Variants in SORCS3 observed in about 807,000 individuals in gnomAD.
SORCS3 encodes the protein VPS10 domain-containing receptor SorCS3.
A neutral mutation model predicts 146.3 loss-of-function variants in SORCS3; 57 were observed. That is an observed-to-expected ratio of 0.39 (90% CI 0.31 to 0.49). The LOEUF (loss-of-function observed/expected upper bound fraction) is 0.49. SORCS3 is among the 20% of genes least tolerant of loss of function. SORCS3 has a pLI of 0.92. For synonymous variants in SORCS3, 653 were observed against 618.5 expected (o/e 1.06, Z -0.83); for missense variants, 1,341 against 1,575.5 (o/e 0.85, Z 2.52).
In SORCS3 at chr10:105,074,553, T is replaced by C. The variant is rs74794771; in HGVS notation, c.1029-15222T>C. Among the ~76,000 whole-genome samples the C allele has an allele frequency of 7.7e-3, 1,170 of 152,320 alleles. 6 individuals are homozygous for C. The highest frequency in any genetic ancestry group is 0.014 in the South Asian group (66 of 4,824). On this transcript the variant is annotated intron_variant, in intron 5 of 26. Transcript: ENST00000369701. The stretch of plus-strand genomic sequence containing the variant: ...AGAGCATTATGTTGTCGCAGGAACA[T>C]GTCTCTCATAAGATAGTGCACAAAT...
At chr10:104,654,443 T>C (rs1401615758) in intron 1 of SORCS3, among the ~76,000 whole-genome samples, 1 of 152,230 alleles carries the variant, frequency 6.6e-6, no homozygotes, top group Non-Finnish European at 1.5e-5. Context: ...GGTTCCCTTT[T>C]CTCCATGTCC....
At chr10:105,158,671 G>T (rs1317630312) in intron 10 of SORCS3, among the ~76,000 whole-genome samples, 2 of 151,886 alleles carry the variant, frequency 1.3e-5, no homozygotes, top group East Asian at 3.9e-4. Context: ...TGGTTGGGGG[G>T]CAGAGGCAGG....
At chr10:104,669,556 T>G (rs2015825924) in intron 1 of SORCS3, among the ~76,000 whole-genome samples, 1 of 152,250 alleles carries the variant, frequency 6.6e-6, no homozygotes, top group African/African-American at 2.4e-5. Flanking sequence ...TGTTGTAATA[T>G]GCGTCAGAAT....
intron 3 of SORCS3, among the ~76,000 whole-genome samples, chr10:104,958,378 T>C (rs936635426): frequency 6.6e-6 from 1 of 152,132 alleles, no homozygotes; most frequent in East Asian, 1.9e-4. Flanking sequence ...CTCCCTGCAA[T>C]GCCCCGCTCC....
intron 8 of SORCS3, among the ~76,000 whole-genome samples, chr10:105,144,713 T>C (rs703486): frequency 0.016 from 2,412 of 152,248 alleles, 60 homozygotes; most frequent in African/African-American, 0.055. Flanking sequence ...TGGATTTCTC[T>C]CTTTAACACC....
At chr10:105,215,879 A>G (rs563154685) in intron 18 of SORCS3, among the ~76,000 whole-genome samples, 3 of 149,580 alleles carry the variant, frequency 2.0e-5, no homozygotes, top group East Asian at 2.0e-4. Flanking sequence ...TCTATCACTC[A>G]TCTTCATATA....
chr10:105,122,228 G>C lies in SORCS3; in HGVS notation c.1212+16713G>C, dbSNP rs185895883. Among the ~76,000 whole-genome samples the C allele has an allele frequency of 5.9e-5, 9 of 152,278 alleles. No individual in the cohort carries two copies. The East Asian group carries it at 1.5e-3, about 26-fold the overall frequency. Reference sequence around the variant, plus strand: ...CGCTCTAATTAGAGTATATCTCTATGATTTCAGAGTTTCAGCTTTAAAAAA... The same window carrying C: ...CGCTCTAATTAGAGTATATCTCTATCATTTCAGAGTTTCAGCTTTAAAAAA... On this transcript the variant is annotated intron_variant, in intron 7 of 26. Coordinates refer to ENST00000369701, the MANE Select transcript of SORCS3 (RefSeq NM_014978.3).
At chr10:104,884,701 CACTT>C in intron 2 of SORCS3, among the ~76,000 whole-genome samples, 1 of 151,960 alleles carries the variant, frequency 6.6e-6, no homozygotes, top group South Asian at 2.1e-4. Context: ...AAATTCAACA[CACTT>C]AACAGAACAT....
chr10:105,065,943 C>T (rs143547833), intron 5 of SORCS3, among the ~76,000 whole-genome samples: 108 of 152,214 alleles, frequency 7.1e-4, no homozygotes, highest in Non-Finnish European at 1.2e-3. Flanking sequence ...AAAATAAAAA[C>T]GATTTAAACT....
rs1179632131 is a variant in SORCS3 at position 105,264,931 on chromosome 10, G to A, written c.*1557G>A. 1 of 152,610 alleles carries A rather than the reference G, an allele frequency of 6.6e-6. No homozygotes were observed. Among genetic ancestry groups the A allele is most frequent in the Non-Finnish European group, 1.5e-5 (1 of 68,038 alleles). The allele number at this position is 152,610 out of a possible 1,614,324, so 9.5% of individuals were successfully genotyped here. ...ATTTTGTACCTGTTAATTTTTGTGG[G>A]ATGTTGTTCCCATTCTTCTTTGTGA... On this transcript the variant is annotated 3_prime_UTR_variant, in exon 27 of 27. Transcript: ENST00000369701.
chr10:104,705,234 T>G (rs949184454), intron 1 of SORCS3, among the ~76,000 whole-genome samples: 36 of 151,636 alleles, frequency 2.4e-4, no homozygotes, highest in Admixed American at 1.1e-3. Context: ...CGTTTTTTTT[T>G]TTTTTTTTTT....
chr10:105,164,876 G>A (rs1413929121), intron 12 of SORCS3, among the ~76,000 whole-genome samples: 3 of 152,082 alleles, frequency 2.0e-5, no homozygotes, highest in African/African-American at 7.2e-5. Context: ...GCTTATATAT[G>A]AGTAAGTATG....
At chr10:104,735,353 C>T (rs2016755116) in intron 1 of SORCS3, among the ~76,000 whole-genome samples, 1 of 151,686 alleles carries the variant, frequency 6.6e-6, no homozygotes, top group African/African-American at 2.4e-5. Context: ...CCAAATGCAG[C>T]CGGAGATGCG....
intron 4 of SORCS3, among the ~76,000 whole-genome samples, chr10:104,978,396 T>C (rs1001216296): frequency 5.9e-5 from 9 of 152,194 alleles, no homozygotes; most frequent in African/African-American, 1.9e-4. Context: ...TCCAAATACG[T>C]ATATTCAGCT....
intron 4 of SORCS3, among the ~76,000 whole-genome samples, chr10:105,016,508 A>C (rs2055168856): frequency 6.6e-6 from 1 of 152,078 alleles, no homozygotes; most frequent in Non-Finnish European, 1.5e-5. Flanking sequence ...GCAGACACAT[A>C]ACACTGAAGA....
At chr10:105,250,169 A>C (rs1389130510) in intron 22 of SORCS3, among the ~76,000 whole-genome samples, 1 of 152,050 alleles carries the variant, frequency 6.6e-6, no homozygotes, top group African/African-American at 2.4e-5. Context: ...CTCTTTTATA[A>C]AGGCACTAAT....
At chr10:104,912,978 G>A (rs1272639945) in intron 2 of SORCS3, among the ~76,000 whole-genome samples, 1 of 152,172 alleles carries the variant, frequency 6.6e-6, no homozygotes, top group Admixed American at 6.5e-5. Flanking sequence ...TTCGGACAAG[G>A]AGATGATGCG....
At chr10:105,137,337 A>G (rs1229894997) in intron 7 of SORCS3, among the ~76,000 whole-genome samples, 3 of 152,130 alleles carry the variant, frequency 2.0e-5, no homozygotes, top group African/African-American at 7.2e-5. Flanking sequence ...TTTTGGGAGT[A>G]TAAAAGCTTT....
intron 3 of SORCS3, among the ~76,000 whole-genome samples, chr10:104,957,950 A>T (rs1247717548): frequency 6.6e-6 from 1 of 152,122 alleles, no homozygotes; most frequent in Non-Finnish European, 1.5e-5. Context: ...GTTTTGAGAT[A>T]ATGGGGTCAA....
Sources: gnomAD v4.1 joint callset for allele counts (sites outside exome capture counted in the v4.1 genomes callset) on GRCh38, gnomAD v4.1.1 for gene constraint, MANE v1.5 for transcripts, NCBI Gene and HGNC (gene_info 2026-07-23, HGNC 2026-07-21) for gene names.